Variants in SERINC1 observed in about 807,000 individuals in gnomAD.
SERINC1 encodes serine incorporator 1.
A neutral mutation model predicts 52.9 loss-of-function variants in SERINC1; 38 were observed. That is an observed-to-expected ratio of 0.72 (90% CI 0.55 to 0.94). The LOEUF (loss-of-function observed/expected upper bound fraction) is 0.94. Ranked by LOEUF, SERINC1 falls within the 40% of genes least tolerant of loss-of-function variation. The pLI is 0.00. For missense variants in SERINC1, 471 were observed against 533.9 expected, an observed-to-expected ratio of 0.88 and a Z score of 1.16; for synonymous variants, 198 against 183.1, an observed-to-expected ratio of 1.08 and a Z score of -0.66.
chr6:122,457,020 C>CAT (rs1276511574), intron 2 of SERINC1, among the ~76,000 whole-genome samples: 1 of 151,998 alleles, frequency 6.6e-6, no homozygotes, highest in African/African-American at 2.4e-5. Flanking sequence ...ATCTATTATT[C>CAT]ATATATATAA....
intron 7 of SERINC1, among the ~76,000 whole-genome samples, chr6:122,450,070 T>C (rs1774878184): frequency 6.6e-6 from 1 of 152,124 alleles, no homozygotes; most frequent in South Asian, 2.1e-4. Context: ...AGATTTTCAA[T>C]AAAGACAACA....
intron 2 of SERINC1, 47 bp from the exon 3 acceptor site, chr6:122,456,697 T>C: frequency 7.3e-7 from 1 of 1,366,664 alleles, no homozygotes. Flanking sequence ...TTTCATTAAG[T>C]AAAAATAAAA....
intron 1 of SERINC1, among the ~76,000 whole-genome samples, chr6:122,468,574 A>G (rs983929346): frequency 1.3e-5 from 2 of 152,164 alleles, no homozygotes; most frequent in South Asian, 2.1e-4. Flanking sequence ...ATTAAATTCA[A>G]TGCTTTGCTT....
In SERINC1 at chr6:122,458,725, A is replaced by G. The variant is rs201658976; in HGVS notation, c.40-44T>C. The G allele has an allele frequency of 4.8e-5, 63 of 1,315,452 alleles. 1 individual carries two copies. In the East Asian group the frequency reaches 1.3e-3, roughly 27 times the overall value. 81.5% of individuals were successfully genotyped at this position (1,315,452 alleles called of 1,614,324 possible). ...TTGAAAATATTATTAAGAATCAGTA[A>G]ATCACTATATCTTAAAATGATACAA... On this transcript the variant is annotated intron_variant, in intron 1 of 9. Coordinates refer to ENST00000339697, the MANE Select transcript of SERINC1 (RefSeq NM_020755.4).
intron 1 of SERINC1, among the ~76,000 whole-genome samples, chr6:122,461,002 G>A (rs2114486683): frequency 6.6e-6 from 1 of 152,098 alleles, no homozygotes; most frequent in African/African-American, 2.4e-5. Context: ...GAAAATAAAT[G>A]ATCCAAAATG....
intron 1 of SERINC1, among the ~76,000 whole-genome samples, chr6:122,468,021 A>G (rs987822298): frequency 1.3e-5 from 2 of 152,194 alleles, no homozygotes; most frequent in Non-Finnish European, 2.9e-5. Context: ...AAAGGGAGGA[A>G]ATGGGAGTGG....
intron 1 of SERINC1, among the ~76,000 whole-genome samples, chr6:122,464,094 C>T (rs182263908): frequency 1.3e-5 from 2 of 152,066 alleles, no homozygotes; most frequent in African/African-American, 4.8e-5. Flanking sequence ...TAATATGACA[C>T]TCTAGAAAGG....
Position 122,460,954 on chromosome 6 carries a change from G to A in SERINC1, c.40-2273C>T, listed in dbSNP as rs374949595. On this transcript the variant is annotated intron_variant, in intron 1 of 9. Coordinates refer to ENST00000339697, the MANE Select transcript of SERINC1 (RefSeq NM_020755.4). ...AAATAAGCCCCCTAAATATTGACAA[G>A]ACAGAAGAAAAGATTAATAATGAAC... 2.6e-5 allele frequency among the ~76,000 whole-genome samples: 4 copies of A among 151,926 alleles called. No homozygotes were observed. The South Asian group carries it at 8.3e-4, about 31-fold the overall frequency.
chr6:122,468,730 T>C (rs754934829), intron 1 of SERINC1, among the ~76,000 whole-genome samples: 2 of 152,196 alleles, frequency 1.3e-5, no homozygotes, highest in Non-Finnish European at 2.9e-5. Flanking sequence ...CTACTCTGCA[T>C]TGCTTGACCA....
At position 122,471,761 on chromosome 6, in the gene SERINC1, G is replaced by A. The variant is rs775769308; in HGVS notation, c.-24C>T. 3 of 1,613,956 alleles carry A rather than the reference G, an allele frequency of 1.9e-6. No individual in the cohort carries two copies. Among genetic ancestry groups the A allele is most frequent in the South Asian group, 1.1e-5 (1 of 91,066 alleles). ...ATCTCCACAACGTCACAAGAGCAGC[G>A]GATACAGACAAGATGGAGACAGCTT... On this transcript the variant is annotated 5_prime_UTR_variant, in exon 1 of 10. Coordinates refer to ENST00000339697, the MANE Select transcript of SERINC1 (RefSeq NM_020755.4).
At chr6:122,450,363 G>C (rs954572131) in intron 7 of SERINC1, among the ~76,000 whole-genome samples, 8 of 152,054 alleles carry the variant, frequency 5.3e-5, no homozygotes, top group African/African-American at 1.9e-4. Flanking sequence ...CCCATTGTTG[G>C]GACTTACTGC....
chr6:122,452,786 A>G (rs946890610), intron 5 of SERINC1, among the ~76,000 whole-genome samples: 2 of 152,176 alleles, frequency 1.3e-5, no homozygotes, highest in African/African-American at 4.8e-5. Flanking sequence ...TTAGAGAACA[A>G]GGTATTCAAT....
Position 122,453,853 on chromosome 6 carries a change from A to T in SERINC1, c.506T>A (p.Val169Asp). 1 of 1,609,116 alleles carries T rather than the reference A, an allele frequency of 6.2e-7. No individual in the cohort carries two copies. The highest frequency in any genetic ancestry group is 1.1e-5 in the South Asian group (1 of 90,492). ...TGAATGTGCAAAATCAATAAGTAAGACTAGTTGTATGAGGATGAAACAAAA... is the reference window on the plus strand; with the variant it reads ...TGAATGTGCAAAATCAATAAGTAAGTCTAGTTGTATGAGGATGAAACAAAA... ...GAFCFILIQL[V>D]LLIDFAHSWN... Residue 169 changes from valine (V) to aspartate (D), a missense_variant, in exon 5 of 10, where the codon GTC becomes GAC. Coordinates refer to ENST00000339697, the MANE Select transcript of SERINC1 (RefSeq NM_020755.4).
At chr6:122,468,634 T>G (rs1775224757) in intron 1 of SERINC1, among the ~76,000 whole-genome samples, 2 of 152,242 alleles carry the variant, frequency 1.3e-5, no homozygotes, top group African/African-American at 4.8e-5. Context: ...TTTTGTCTAT[T>G]CATCCACCCA....
At chr6:122,445,342 G>C (rs953778133) in intron 9 of SERINC1, among the ~76,000 whole-genome samples, 163 bp from the exon 10 acceptor site, 3 of 152,166 alleles carry the variant, frequency 2.0e-5, no homozygotes, top group Non-Finnish European at 4.4e-5. Flanking sequence ...CACACTGCTA[G>C]TGTGAAGGTA....
At chr6:122,446,067 T>G (rs2114472849) in intron 9 of SERINC1, among the ~76,000 whole-genome samples, 1 of 152,192 alleles carries the variant, frequency 6.6e-6, no homozygotes, top group African/African-American at 2.4e-5. Context: ...TACAATTTGT[T>G]TATTAATATT....
Position 122,444,672 on chromosome 6 carries a change from T to C in SERINC1, c.*372A>G, listed in dbSNP as rs1320628411. On this transcript the variant is annotated 3_prime_UTR_variant, in exon 10 of 10. Coordinates refer to ENST00000339697, the MANE Select transcript of SERINC1 (RefSeq NM_020755.4). Reference sequence around the variant, plus strand: ...CCTGCCAGGCAACACATCAAATATTTCAAAAGGCAGCCATACATTTGCTTT... The same window carrying C: ...CCTGCCAGGCAACACATCAAATATTCCAAAAGGCAGCCATACATTTGCTTT... 6.1e-6 allele frequency: 1 copy of C among 163,372 alleles called. No individual in the cohort carries two copies. Among genetic ancestry groups the C allele is most frequent in the Non-Finnish European group, 1.3e-5 (1 of 75,612 alleles). 10.1% of individuals were successfully genotyped at this position (163,372 alleles called of 1,614,324 possible). A position where few individuals can be genotyped will look rare whatever the true frequency, so the allele number is the denominator to read the frequency against.
At chr6:122,462,640 G>C (rs1354075198) in intron 1 of SERINC1, among the ~76,000 whole-genome samples, 1 of 151,956 alleles carries the variant, frequency 6.6e-6, no homozygotes, top group Non-Finnish European at 1.5e-5. Flanking sequence ...ACCCCACAAA[G>C]AACCTACAAA....
chr6:122,465,920 A>G (rs947352108), intron 1 of SERINC1, among the ~76,000 whole-genome samples: 2 of 152,200 alleles, frequency 1.3e-5, no homozygotes, highest in Non-Finnish European at 2.9e-5. Context: ...TGCTTCCATG[A>G]AACAACCACA....
Sources: gnomAD v4.1 joint callset for allele counts (sites outside exome capture counted in the v4.1 genomes callset) on GRCh38, gnomAD v4.1.1 for gene constraint, MANE v1.5 for transcripts, NCBI Gene and HGNC (gene_info 2026-07-23, HGNC 2026-07-21) for gene names.